NUP210L: variants seen among roughly 807,000 people sequenced by gnomAD.
The protein encoded by NUP210L is nucleoporin 210 like.
A neutral mutation model predicts 208.5 loss-of-function variants in NUP210L; 74 were observed. The observed-to-expected ratio is 0.35, with a 90% confidence interval of 0.29 to 0.43. NUP210L has a LOEUF of 0.43. Among genes scored for constraint, NUP210L ranks in the 20% least tolerant of loss-of-function variants. NUP210L has a pLI of 1.00. For missense variants in NUP210L, 1,843 were observed against 2,289.4 expected (o/e 0.81, Z 3.98); for synonymous variants, 780 against 816.9 (o/e 0.95, Z 0.77).
chr1:153,995,236 G>A, intron 37 of NUP210L, 56 bp from the exon 38 acceptor site: 1 of 1,246,930 alleles, frequency 8.0e-7, no homozygotes, highest in Non-Finnish European at 1.2e-6. Flanking sequence ...ATGGGCAGAT[G>A]CTGCATTTTT....
chr1:153,995,055 T>A (rs760380099), intron 38 of NUP210L, 21 bp downstream of exon 38: 1 of 1,468,322 alleles, frequency 6.8e-7, no homozygotes. Context: ...AAGTCTATGT[T>A]ATTGAATATA....
intron 16 of NUP210L, among the ~76,000 whole-genome samples, chr1:154,087,148 C>T (rs924758284): frequency 1.9e-4 from 29 of 151,918 alleles, no homozygotes; most frequent in African/African-American, 5.8e-4. Context: ...GGTGAAACCC[C>T]GTTTCTACTA....
At chr1:154,070,245 T>C (rs756190450) in intron 17 of NUP210L, 28 bp downstream of exon 17, 24 of 1,510,454 alleles carry the variant, frequency 1.6e-5, no homozygotes, top group Middle Eastern at 1.7e-4. Flanking sequence ...CTCAGGTATA[T>C]GAAAAGACTT....
chr1:154,130,932 G>A (rs1571310402), intron 7 of NUP210L, among the ~76,000 whole-genome samples: 1 of 151,928 alleles, frequency 6.6e-6, no homozygotes, highest in East Asian at 1.9e-4. Flanking sequence ...GCCAAAGTTA[G>A]GTTTAGTTCT....
intron 37 of NUP210L, among the ~76,000 whole-genome samples, chr1:153,997,467 GT>G (rs1328725231): frequency 0.071 from 8,994 of 126,320 alleles, 380 homozygotes; most frequent in Non-Finnish European, 0.11. Context: ...TTTCTTTTCT[GT>G]TTTTTTTTTT....
chr1:154,024,917 G>C (rs1478551455), intron 30 of NUP210L, among the ~76,000 whole-genome samples: 18 of 133,034 alleles, frequency 1.4e-4, no homozygotes, highest in South Asian at 7.5e-4. Context: ...AATTTAGGCT[G>C]ATCTGTTTTT....
At position 154,139,201 on chromosome 1, in the gene NUP210L, C is replaced by T. The variant is rs559991761; in HGVS notation, c.717+601G>A. 9.4e-4 allele frequency among the ~76,000 whole-genome samples: 143 copies of T among 151,882 alleles called. 1 individual carries two copies. The highest frequency in any genetic ancestry group is 2.3e-3 in the Admixed American group (35 of 15,222). On this transcript the variant is annotated intron_variant, in intron 5 of 39. Coordinates refer to ENST00000368559, the Ensembl canonical transcript of NUP210L. ...AAGAATCACTTGAAACCCCCCCACC[C>T]CAAAAAAGGAAGAAATTAGAAACTG...
At chr1:154,111,706 T>C (rs1657045065) in intron 12 of NUP210L, among the ~76,000 whole-genome samples, 1 of 151,394 alleles carries the variant, frequency 6.6e-6, no homozygotes, top group African/African-American at 2.5e-5. Context: ...TTACTAAACA[T>C]TTAAAAAAGA....
At chr1:154,096,696 T>C (rs1656195298) in intron 14 of NUP210L, among the ~76,000 whole-genome samples, 1 of 149,782 alleles carries the variant, frequency 6.7e-6, no homozygotes, top group South Asian at 2.1e-4. Flanking sequence ...GAGGTTGCAG[T>C]GAACCAAGAT....
intron 37 of NUP210L, chr1:153,995,970 CTT>C (rs1201021541): frequency 7.1e-6 from 3 of 419,862 alleles, no homozygotes; most frequent in Admixed American, 3.1e-5. Context: ...AAAAATGAAA[CTT>C]TTGAGTAATA....
chr1:153,994,171 C>T (rs1377979110), intron 38 of NUP210L, among the ~76,000 whole-genome samples: 1 of 152,010 alleles, frequency 6.6e-6, no homozygotes, highest in Non-Finnish European at 1.5e-5. Flanking sequence ...TGAGCCATTG[C>T]ACCCAGTCTG....
intron 27 of NUP210L, among the ~76,000 whole-genome samples, chr1:154,034,822 G>A (rs1286674601): frequency 6.8e-6 from 1 of 147,912 alleles, no homozygotes; most frequent in Non-Finnish European, 1.5e-5. Context: ...GGTATTGGTT[G>A]TAATGTCTCT....
chr1:154,046,430 G>T, intron 25 of NUP210L, 61 bp from the exon 26 acceptor site: 2 of 1,325,766 alleles, frequency 1.5e-6, no homozygotes, highest in Non-Finnish European at 2.2e-6. Flanking sequence ...GGTGGACAGA[G>T]ATGCTTTTGA....
intron 15 of NUP210L, among the ~76,000 whole-genome samples, chr1:154,089,959 C>T (rs1655819629): frequency 6.6e-6 from 1 of 152,060 alleles, no homozygotes; most frequent in African/African-American, 2.4e-5. Flanking sequence ...CACCTGTAGT[C>T]TCAGTTACTT....
At chr1:154,095,066 G>C in exon 15 of NUP210L, 2 of 1,613,980 alleles carry the variant, frequency 1.2e-6, no homozygotes, top group Non-Finnish European at 1.7e-6. Flanking sequence ...AATCGGGAGG[G>C]CTCCAAGATC....
At chr1:153,995,863 C>G in intron 37 of NUP210L, 1 of 580,086 alleles carries the variant, frequency 1.7e-6, no homozygotes, top group African/African-American at 1.9e-5. Context: ...TCCATGTGTG[C>G]TAAATGTGTT....
intron 17 of NUP210L, among the ~76,000 whole-genome samples, chr1:154,065,613 C>T (rs1048927760): frequency 1.3e-5 from 2 of 151,610 alleles, no homozygotes; most frequent in African/African-American, 4.8e-5. Context: ...ATATTTAGGG[C>T]TGGGTGTGGC....
intron 3 of NUP210L, 141 bp downstream of exon 3, chr1:154,143,305 T>C (rs1006766667): frequency 3.3e-6 from 2 of 610,556 alleles, no homozygotes; most frequent in Non-Finnish European, 2.8e-6. Flanking sequence ...AGAATTATTA[T>C]TCATCTATGA....
chr1:154,050,508 G>A (rs1198934035), intron 25 of NUP210L, among the ~76,000 whole-genome samples: 2 of 146,834 alleles, frequency 1.4e-5, no homozygotes, highest in African/African-American at 4.9e-5. Flanking sequence ...TTAGTAGAAT[G>A]TTTTTTTCTT....
Sources: allele counts gnomAD v4.1 joint callset (sites outside exome capture counted in the v4.1 genomes callset), GRCh38; gene constraint gnomAD v4.1.1; transcripts MANE v1.5; gene names NCBI Gene and HGNC (gene_info 2026-07-23, HGNC 2026-07-21).